Variants in AKAP7 observed in about 807,000 individuals in gnomAD.
AKAP7 encodes A kinase (PRKA) anchor protein 7.
In AKAP7, 39 loss-of-function variants were observed where a neutral mutation model predicts 39.5. The observed-to-expected ratio is 0.99, with a 90% CI of 0.76 to 1.29. AKAP7 has a LOEUF of 1.29. Among genes scored for constraint, AKAP7 ranks in the 50% most tolerant of loss-of-function variants. AKAP7 has a pLI of 0.00. For synonymous variants in AKAP7, 140 were observed against 139.1 expected, an observed-to-expected ratio of 1.01 and a Z score of -0.05; for missense variants, 414 against 407.7, an observed-to-expected ratio of 1.02 and a Z score of -0.13.
At chr6:131,234,931 G>T (rs954325818) in intron 7 of AKAP7, among the ~76,000 whole-genome samples, 2 of 150,586 alleles carry the variant, frequency 1.3e-5, no homozygotes, top group African/African-American at 2.4e-5. Flanking sequence ...TATACTTTAC[G>T]TTTTAGGGTA....
chr6:131,251,643 C>T (rs761161180), intron 7 of AKAP7, among the ~76,000 whole-genome samples: 1 of 152,116 alleles, frequency 6.6e-6, no homozygotes, highest in African/African-American at 2.4e-5. Flanking sequence ...TTGGGGAATG[C>T]TTTGGAATAA....
intron 2 of AKAP7, among the ~76,000 whole-genome samples, chr6:131,148,614 T>C (rs1801666133): frequency 6.6e-6 from 1 of 152,200 alleles, no homozygotes; most frequent in Non-Finnish European, 1.5e-5. Context: ...GGGGACAACT[T>C]ACTCTCTCAG....
chr6:131,245,096 A>ATG (rs1413282010), intron 7 of AKAP7, among the ~76,000 whole-genome samples: 20 of 152,132 alleles, frequency 1.3e-4, no homozygotes, highest in Non-Finnish European at 2.4e-4. Context: ...TTTATAGATA[A>ATG]AGTTTTTTCG....
At chr6:131,170,310 GAA>G (rs58500841) in intron 5 of AKAP7, among the ~76,000 whole-genome samples, 3 of 144,014 alleles carry the variant, frequency 2.1e-5, no homozygotes, top group Middle Eastern at 3.5e-3. Context: ...AAAAAAAAAA[GAA>G]AAAAAAAAGA....
intron 1 of AKAP7, among the ~76,000 whole-genome samples, chr6:131,139,618 C>G (rs1328866171): frequency 2.0e-5 from 3 of 147,084 alleles, no homozygotes; most frequent in Admixed American, 2.0e-4. Context: ...GCTATCTACA[C>G]TAGCTACTAG....
intron 2 of AKAP7, 84 bp from the exon 3 acceptor site, chr6:131,159,975 A>G: frequency 1.6e-6 from 2 of 1,214,246 alleles, no homozygotes. Flanking sequence ...AATGATTGCT[A>G]CTTATATATT....
At chr6:131,226,696 A>G (rs777654510) in intron 7 of AKAP7, among the ~76,000 whole-genome samples, 1 of 152,212 alleles carries the variant, frequency 6.6e-6, no homozygotes, top group Non-Finnish European at 1.5e-5. Flanking sequence ...TGCAAAGACT[A>G]GTTTACTTTC....
intron 7 of AKAP7, among the ~76,000 whole-genome samples, chr6:131,262,415 C>T (rs1813421703): frequency 6.6e-6 from 1 of 152,050 alleles, no homozygotes; most frequent in African/African-American, 2.4e-5. Context: ...ACTGGCACAT[C>T]GTTGTTGGCT....
chr6:131,221,041 G>A (rs754513165), intron 7 of AKAP7, among the ~76,000 whole-genome samples: 1 of 152,308 alleles, frequency 6.6e-6, no homozygotes, highest in South Asian at 2.1e-4. Flanking sequence ...GCTTAGTGAG[G>A]AAGGCATGTC....
chr6:131,142,469 C>T, intron 1 of AKAP7, among the ~76,000 whole-genome samples: 1 of 152,208 alleles, frequency 6.6e-6, no homozygotes, highest in East Asian at 1.9e-4. Context: ...TGGGGGCTTC[C>T]ATGTGATGTT....
intron 7 of AKAP7, among the ~76,000 whole-genome samples, chr6:131,241,631 A>ATG (rs1811623599): frequency 5.6e-5 from 4 of 71,630 alleles, no homozygotes; most frequent in Admixed American, 3.4e-4. Context: ...GTGTGTGTAT[A>ATG]TATATATGAC....
chr6:131,218,765 G>T (rs942870814), intron 6 of AKAP7, among the ~76,000 whole-genome samples: 1 of 152,144 alleles, frequency 6.6e-6, no homozygotes, highest in Non-Finnish European at 1.5e-5. Context: ...TACACTGAAA[G>T]TAAGGAGGAG....
intron 5 of AKAP7, among the ~76,000 whole-genome samples, chr6:131,189,534 T>A (rs536456715): frequency 3.2e-4 from 49 of 152,220 alleles, no homozygotes; most frequent in Non-Finnish European, 6.2e-4. Flanking sequence ...TTAAAATTGA[T>A]CTGTTACAGT....
intron 2 of AKAP7, among the ~76,000 whole-genome samples, chr6:131,156,979 G>GTTA (rs1394144703): frequency 6.6e-6 from 1 of 152,136 alleles, no homozygotes; most frequent in East Asian, 1.9e-4. Context: ...GTTTCACCGT[G>GTTA]TTAGCCAGGG....
At chr6:131,168,595 T>A (rs939376410) in intron 4 of AKAP7, among the ~76,000 whole-genome samples, 1 of 152,220 alleles carries the variant, frequency 6.6e-6, no homozygotes, top group African/African-American at 2.4e-5. Flanking sequence ...ATAATTAAAC[T>A]TGTATTTTAT....
rs1425250199 is a variant in AKAP7 at position 131,135,529 on chromosome 6, G to GCTGCTGCCC, written c.-227_-226insCCTGCTGCC. ...TGCGGCTGCTGCGGCTGCCGCCGCC[G>GCTGCTGCCC]CTGCTGCCGCTGCCGCGGGGGCTGC... is the stretch of plus-strand genomic sequence containing the variant. On this transcript the variant is annotated 5_prime_UTR_variant, in exon 1 of 8. Transcript: ENST00000431975. The GCTGCTGCCC allele has an allele frequency of 0.021, 3,678 of 174,626 alleles. 171 individuals carry two copies. Among genetic ancestry groups the GCTGCTGCCC allele is most frequent in the African/African-American group, 0.084 (3,491 of 41,710 alleles). The allele number at this position is 174,626 out of a possible 1,614,324, so 10.8% of individuals were successfully genotyped here.
intron 7 of AKAP7, among the ~76,000 whole-genome samples, chr6:131,238,349 G>A (rs1055713744): frequency 2.0e-5 from 3 of 152,208 alleles, no homozygotes; most frequent in Non-Finnish European, 2.9e-5. Flanking sequence ...TTTGGAATAC[G>A]TGTGGTGTGG....
chr6:131,264,029 TG>T (rs1023510412), intron 7 of AKAP7, among the ~76,000 whole-genome samples: 3 of 152,214 alleles, frequency 2.0e-5, no homozygotes, highest in African/African-American at 7.2e-5. Flanking sequence ...ATGTTTCCTT[TG>T]GGTCCTGATT....
At chr6:131,181,169 C>T (rs1805192587) in intron 5 of AKAP7, among the ~76,000 whole-genome samples, 1 of 152,104 alleles carries the variant, frequency 6.6e-6, no homozygotes, top group Admixed American at 6.6e-5. Flanking sequence ...CTCCTGACCT[C>T]AGGTGATCTG....
Sources: allele counts gnomAD v4.1 joint callset (sites outside exome capture counted in the v4.1 genomes callset), GRCh38; gene constraint gnomAD v4.1.1; transcripts MANE v1.5; gene names NCBI Gene and HGNC (gene_info 2026-07-23, HGNC 2026-07-21).